Variants in TSHZ2 observed in about 807,000 individuals in gnomAD.
TSHZ2 encodes the protein teashirt zinc finger homeobox 2.
Under a neutral mutation model 74.4 loss-of-function variants are expected in TSHZ2, and 21 were observed. The ratio of observed to expected loss-of-function variants is 0.28; its 90% CI spans 0.20 to 0.41. The LOEUF is 0.41. Among genes scored for constraint, TSHZ2 ranks in the 10% least tolerant of loss-of-function variants. TSHZ2 has a pLI of 1.00. For synonymous variants in TSHZ2, 540 were observed against 515.3 expected, an observed-to-expected ratio of 1.05 and a Z score of -0.65; for missense variants, 1,244 against 1,293.5, an observed-to-expected ratio of 0.96 and a Z score of 0.59.
intron 2 of TSHZ2, among the ~76,000 whole-genome samples, chr20:53,411,019 T>A (rs1983037086): frequency 6.6e-6 from 1 of 152,156 alleles, no homozygotes. Context: ...TGTAATTCAA[T>A]GTTCCCTGGA....
chr20:53,174,238 G>A (rs1353720418), intron 1 of TSHZ2, among the ~76,000 whole-genome samples: 1 of 152,208 alleles, frequency 6.6e-6, no homozygotes, highest in East Asian at 1.9e-4. Flanking sequence ...AGAGAATTAA[G>A]GGGAAAGTTG....
intron 1 of TSHZ2, among the ~76,000 whole-genome samples, chr20:53,206,175 C>T (rs984993284): frequency 9.2e-5 from 14 of 152,190 alleles, no homozygotes; most frequent in Non-Finnish European, 1.3e-4. Flanking sequence ...GCCAACATTG[C>T]ACCGCTGCAC....
chr20:53,020,006 G>T (rs1280575318), intron 1 of TSHZ2, among the ~76,000 whole-genome samples: 2 of 152,200 alleles, frequency 1.3e-5, no homozygotes, highest in African/African-American at 4.8e-5. Context: ...TGCAGGGGAA[G>T]CAAGGCACGT....
intron 2 of TSHZ2, among the ~76,000 whole-genome samples, chr20:53,435,676 G>A (rs1984027808): frequency 6.6e-6 from 1 of 152,116 alleles, no homozygotes; most frequent in East Asian, 1.9e-4. Context: ...ACCACGCCTG[G>A]CTAATTTTTT....
At chr20:52,988,384 C>A (rs573762032) in intron 1 of TSHZ2, among the ~76,000 whole-genome samples, 4 of 152,112 alleles carry the variant, frequency 2.6e-5, no homozygotes, top group Non-Finnish European at 4.4e-5. Context: ...TGATGACAAG[C>A]TTTTAGATAG....
At chr20:53,066,642 G>C (rs1984998266) in intron 1 of TSHZ2, among the ~76,000 whole-genome samples, 1 of 152,068 alleles carries the variant, frequency 6.6e-6, no homozygotes, top group Admixed American at 6.6e-5. Context: ...TGAGTAGCTG[G>C]GATAACAGGT....
Position 53,246,040 on chromosome 20 carries a change from CT to C in TSHZ2, c.41-7446del, listed in dbSNP as rs57243805. Among the ~76,000 whole-genome samples the C allele has an allele frequency of 1.9e-3, 242 of 130,478 alleles. 1 individual carries two copies. Among genetic ancestry groups the C allele is most frequent in the Middle Eastern group, 4.1e-3 (1 of 246 alleles). 85.6% of individuals were successfully genotyped at this position (130,478 alleles called of 152,430 possible). ...TGTGCTTTTCTTTCTTTCTTTCTTT[CT>C]TTTTTTTTTTTTGTTTGAGACAGAG... On this transcript the variant is annotated intron_variant, in intron 1 of 2. Transcript: ENST00000371497.
intron 1 of TSHZ2, among the ~76,000 whole-genome samples, chr20:53,244,637 G>A (rs1990158165): frequency 6.6e-6 from 1 of 152,094 alleles, no homozygotes; most frequent in Non-Finnish European, 1.5e-5. Flanking sequence ...TGAATATAAA[G>A]CATTTTTCTT....
At chr20:53,452,332 G>A (rs546211192) in intron 2 of TSHZ2, among the ~76,000 whole-genome samples, 1 of 152,306 alleles carries the variant, frequency 6.6e-6, no homozygotes, top group African/African-American at 2.4e-5. Context: ...AAGCGTGGTG[G>A]CTCACGCCTG....
intron 1 of TSHZ2, among the ~76,000 whole-genome samples, chr20:53,092,290 G>A (rs1316884362): frequency 6.6e-6 from 1 of 152,022 alleles, no homozygotes; most frequent in Non-Finnish European, 1.5e-5. Flanking sequence ...CTTTTTTAAT[G>A]TGTAAACTGA....
chr20:53,102,405 AAG>A (rs746866539), intron 1 of TSHZ2, among the ~76,000 whole-genome samples: 3 of 151,684 alleles, frequency 2.0e-5, no homozygotes, highest in Non-Finnish European at 4.4e-5. Flanking sequence ...ACGAAAAAAA[AAG>A]AAAAGAAAGA....
intron 2 of TSHZ2, among the ~76,000 whole-genome samples, chr20:53,331,590 T>C (rs1979724466): frequency 6.6e-6 from 1 of 152,092 alleles, no homozygotes; most frequent in Non-Finnish European, 1.5e-5. Context: ...GAATGGACAG[T>C]AGGTGTCAGA....
At chr20:53,458,563 T>TCAG (rs1180638233) in intron 2 of TSHZ2, among the ~76,000 whole-genome samples, 4 of 152,212 alleles carry the variant, frequency 2.6e-5, no homozygotes, top group Admixed American at 1.3e-4. Flanking sequence ...ATTATTTCCT[T>TCAG]CAGTTCTGCT....
chr20:53,315,602 G>T (rs185208990), intron 2 of TSHZ2, among the ~76,000 whole-genome samples: 4 of 152,108 alleles, frequency 2.6e-5, no homozygotes, highest in Non-Finnish European at 5.9e-5. Flanking sequence ...TCTCCTTTAG[G>T]TTTTTGTGGA....
chr20:53,401,187 A>G (rs900394210), intron 2 of TSHZ2: 2 of 152,076 alleles, frequency 1.3e-5, no homozygotes, highest in Non-Finnish European at 2.9e-5. Flanking sequence ...ACTGAGACAG[A>G]TCAGGTGACT....
intron 2 of TSHZ2, among the ~76,000 whole-genome samples, chr20:53,477,799 TCAAA>T (rs372314408): frequency 0.059 from 8,008 of 135,622 alleles, 185 homozygotes; most frequent in East Asian, 0.13. Context: ...TACAATGAAC[TCAAA>T]CAAATTTACA....
At chr20:53,301,903 C>T (rs547975465) in intron 2 of TSHZ2, among the ~76,000 whole-genome samples, 3 of 152,246 alleles carry the variant, frequency 2.0e-5, no homozygotes, top group South Asian at 2.1e-4. Flanking sequence ...ATTTAGCACT[C>T]GGAGATGAGA....
At chr20:53,335,635 A>T (rs960389449) in intron 2 of TSHZ2, among the ~76,000 whole-genome samples, 19 of 152,366 alleles carry the variant, frequency 1.2e-4, no homozygotes, top group African/African-American at 4.3e-4. Flanking sequence ...GACAAGGGAA[A>T]AGTGAAATGT....
chr20:53,037,949 C>T (rs1222079300), intron 1 of TSHZ2, among the ~76,000 whole-genome samples: 1 of 152,034 alleles, frequency 6.6e-6, no homozygotes, highest in Non-Finnish European at 1.5e-5. Flanking sequence ...TGGGTCTCCA[C>T]ATGCGCTCAG....
Sources: gnomAD v4.1 joint callset for allele counts (sites outside exome capture counted in the v4.1 genomes callset) on GRCh38, gnomAD v4.1.1 for gene constraint, MANE v1.5 for transcripts, NCBI Gene and HGNC (gene_info 2026-07-23, HGNC 2026-07-21) for gene names.